TTC8: variants seen among roughly 807,000 people sequenced by gnomAD.
The protein encoded by TTC8 is tetratricopeptide repeat domain 8.
In TTC8, 47 loss-of-function variants were observed where a neutral mutation model predicts 72.5. That is an observed-to-expected ratio of 0.65 (90% confidence interval 0.51 to 0.83). The LOEUF (loss-of-function observed/expected upper bound fraction) is 0.83, where lower values mean the gene tolerates loss of function less well. TTC8 is among the 40% of genes least tolerant of loss of function. TTC8 has a pLI of 0.00. For missense variants in TTC8, 611 were observed against 623.2 expected, an observed-to-expected ratio of 0.98 and a Z score of 0.21; for synonymous variants, 199 against 221.4, an observed-to-expected ratio of 0.90 and a Z score of 0.90.
rs148830706 is a variant in TTC8, at chr14:88,825,070, C to T, written c.114+249C>T. On this transcript the variant is annotated intron_variant, in intron 1 of 14. Coordinates refer to ENST00000380656, the MANE Select transcript of TTC8 (RefSeq NM_144596.4). Reference sequence around the variant, plus strand: ...CCTCACAATTTTCAGCCTCCCCTCCCCTATACGTGTCCCAGAATGAGAGCC... The same window carrying T: ...CCTCACAATTTTCAGCCTCCCCTCCTCTATACGTGTCCCAGAATGAGAGCC... 1.7e-3 allele frequency among the ~76,000 whole-genome samples: 259 copies of T among 152,352 alleles called. 2 individuals carry two copies. In the East Asian group the frequency reaches 0.038, roughly 22 times the overall value.
rs368940763 is a variant in TTC8 at position 88,873,474 on chromosome 14, G to A, written c.1347+1022G>A. ...ATATTTTCATATATATGTGTAGGAT[G>A]TAGAATGTCAGCTGTATGAAAAGAG... is the stretch of plus-strand genomic sequence containing the variant. On this transcript the variant is annotated intron_variant, in intron 13 of 14. Coordinates refer to ENST00000380656, the MANE Select transcript of TTC8 (RefSeq NM_144596.4). Among the ~76,000 whole-genome samples the A allele has an allele frequency of 3.1e-4, 47 of 152,268 alleles. 1 individual carries two copies. The highest frequency in any genetic ancestry group is 9.6e-4 in the African/African-American group (40 of 41,548).
At chr14:88,853,225 A>G (rs1402208860) in intron 8 of TTC8, among the ~76,000 whole-genome samples, 169 bp downstream of exon 8, 1 of 152,204 alleles carries the variant, frequency 6.6e-6, no homozygotes, top group Admixed American at 6.5e-5. Flanking sequence ...ATAAGAATTA[A>G]TACCTTTAGA....
chr14:88,833,892 C>T (rs1237667654), intron 2 of TTC8, 170 bp downstream of exon 2: 1 of 660,452 alleles, frequency 1.5e-6, no homozygotes, highest in Non-Finnish European at 2.7e-6. Flanking sequence ...ATTATATTTT[C>T]AATACTTTTG....
At chr14:88,834,469 G>C (rs557717913) in intron 2 of TTC8, among the ~76,000 whole-genome samples, 1 of 152,224 alleles carries the variant, frequency 6.6e-6, no homozygotes, top group African/African-American at 2.4e-5. Flanking sequence ...GTTAACAGCG[G>C]TTTTTTTAGG....
At chr14:88,858,780 T>G (rs2094869639) in intron 9 of TTC8, among the ~76,000 whole-genome samples, 1 of 112,948 alleles carries the variant, frequency 8.9e-6, no homozygotes, top group Non-Finnish European at 2.0e-5. Context: ...TTTTTTTTTT[T>G]TTGGTAGAGA....
intron 10 of TTC8, among the ~76,000 whole-genome samples, chr14:88,868,078 A>G (rs1029224980): frequency 1.3e-5 from 2 of 152,200 alleles, no homozygotes; most frequent in Admixed American, 1.3e-4. Context: ...TTGATTACAG[A>G]TAAAAGCAGA....
At chr14:88,862,226 C>T (rs552803384) in intron 10 of TTC8, among the ~76,000 whole-genome samples, 3 of 151,782 alleles carry the variant, frequency 2.0e-5, no homozygotes, top group Non-Finnish European at 2.9e-5. Flanking sequence ...TTACATTTCC[C>T]GGATGATTAG....
chr14:88,837,880 GT>G (rs1005213407), intron 2 of TTC8, among the ~76,000 whole-genome samples: 1 of 150,630 alleles, frequency 6.6e-6, no homozygotes, highest in African/African-American at 2.4e-5. Context: ...AATAGGAATT[GT>G]TTTTTTTTAA....
intron 2 of TTC8, among the ~76,000 whole-genome samples, chr14:88,838,507 C>T (rs1187575163): frequency 1.3e-5 from 2 of 152,110 alleles, no homozygotes; most frequent in Admixed American, 1.3e-4. Flanking sequence ...CCCAAATTTC[C>T]CTTGCTGCTA....
intron 4 of TTC8, 41 bp from the exon 5 acceptor site, chr14:88,840,996 A>AATGATCTTCTT (rs1231555307): frequency 1.9e-6 from 3 of 1,613,910 alleles, no homozygotes; most frequent in Non-Finnish European, 2.5e-6. Context: ...TCTTTCCTCA[A>AATGATCTTCTT]ATGATCTTCT....
chr14:88,860,267 G>T (rs948195914), intron 9 of TTC8, among the ~76,000 whole-genome samples: 2 of 151,748 alleles, frequency 1.3e-5, no homozygotes. Context: ...TTTTCTCAAA[G>T]CACACCCTTA....
At chr14:88,849,028 T>G (rs1373425935) in intron 7 of TTC8, among the ~76,000 whole-genome samples, 5 of 152,346 alleles carry the variant, frequency 3.3e-5, no homozygotes, top group Non-Finnish European at 5.9e-5. Flanking sequence ...TTGTAGAACA[T>G]AAAATGGAGC....
intron 6 of TTC8, among the ~76,000 whole-genome samples, chr14:88,842,998 G>C (rs2094789089): frequency 6.6e-6 from 1 of 151,742 alleles, no homozygotes; most frequent in East Asian, 1.9e-4. Flanking sequence ...TTAAAAAATT[G>C]GTTGCCTCCA....
chr14:88,833,746 CT>C, intron 2 of TTC8, 24 bp downstream of exon 2: 1 of 1,610,632 alleles, frequency 6.2e-7, no homozygotes, highest in Non-Finnish European at 8.5e-7. Flanking sequence ...TAGCTGCAAC[CT>C]TTAGTTTAGA....
intron 8 of TTC8, among the ~76,000 whole-genome samples, chr14:88,854,373 AT>A (rs1398565434): frequency 6.6e-6 from 1 of 152,192 alleles, no homozygotes; most frequent in African/African-American, 2.4e-5. Context: ...TCTTTCACTT[AT>A]ACATTCATTC....
In TTC8 at chr14:88,824,657, C is replaced by T. The variant is rs2094689608; in HGVS notation, c.-51C>T. On this transcript the variant is annotated 5_prime_UTR_variant, in exon 1 of 15. In the 5' UTR this introduces an upstream ATG that the reference lacks. Transcript: ENST00000380656. ...CGGACGCCGCCAGCTCTTCACTCCA[C>T]GCCCACCTCTCTCCTGGAGCGCTGG... 6.8e-7 allele frequency: 1 copy of T among 1,480,682 alleles called. No homozygotes were observed. Among genetic ancestry groups the T allele is most frequent in the Non-Finnish European group, 9.2e-7 (1 of 1,083,120 alleles). 91.7% of individuals were successfully genotyped at this position (1,480,682 alleles called of 1,614,324 possible). A position where few individuals can be genotyped will look rare whatever the true frequency, so the allele number is the denominator to read the frequency against.
At chr14:88,835,495 G>A (rs907625825) in intron 2 of TTC8, among the ~76,000 whole-genome samples, 2 of 152,108 alleles carry the variant, frequency 1.3e-5, no homozygotes, top group African/African-American at 4.8e-5. Context: ...TTATTCATTT[G>A]GTTTGGGAGA....
At position 88,850,464 on chromosome 14, in the gene TTC8, G is replaced by C. The variant is rs141649761; in HGVS notation, c.625-2507G>C. ...AGCACTTTGGGAGGCTGAGGCAGGC[G>C]GATCAACTTGAGGTCAAGAGTTTGA... On this transcript the variant is annotated intron_variant, in intron 7 of 14. Transcript: ENST00000380656. Among the ~76,000 whole-genome samples, 26 of 152,176 alleles carry C rather than the reference G, an allele frequency of 1.7e-4. No homozygotes were observed. The East Asian group carries it at 4.6e-3, about 27-fold the overall frequency.
chr14:88,841,285 T>C lies in TTC8; in HGVS notation c.489+89T>C. 7 of 1,592,054 alleles carry C rather than the reference T, an allele frequency of 4.4e-6. No individual in the cohort carries two copies. The African/African-American group carries it at 5.4e-5, about 12-fold the overall frequency. ...TATGGTATATCATTTTCCCCTGTTG[T>C]TATAGTGGAGAATTATATGGAAGAT... On this transcript the variant is annotated intron_variant, in intron 5 of 14. Transcript: ENST00000380656.
Sources: gnomAD v4.1 joint callset for allele counts (sites outside exome capture counted in the v4.1 genomes callset) on GRCh38, gnomAD v4.1.1 for gene constraint, MANE v1.5 for transcripts, NCBI Gene and HGNC (gene_info 2026-07-23, HGNC 2026-07-21) for gene names.